Variants in ENOPH1 observed in about 807,000 individuals in gnomAD.
ENOPH1 encodes the protein enolase-phosphatase E1.
In ENOPH1, 14 loss-of-function variants were observed where a neutral mutation model predicts 31.1. That is an observed-to-expected ratio of 0.45 (90% confidence interval 0.30 to 0.70). The LOEUF (loss-of-function observed/expected upper bound fraction) is 0.70. Ranked by LOEUF, ENOPH1 falls within the 30% of genes least tolerant of loss-of-function variation. The pLI is 0.09. For synonymous variants in ENOPH1, 127 were observed against 123.2 expected (o/e 1.03, Z -0.21); for missense variants, 243 against 321.5 (o/e 0.76, Z 1.87).
At position 82,438,112 on chromosome 4, in the gene ENOPH1, C is replaced by A. The variant is rs1469938026; in HGVS notation, c.84+7199C>A. ...AAGTGAAATATGTTATTTATAGAAA[C>A]TTGCATCTGTTAATGTAAGACTAGA... On this transcript the variant is annotated intron_variant, in intron 1 of 5. Coordinates refer to ENST00000273920, the MANE Select transcript of ENOPH1 (RefSeq NM_021204.5). Among the ~76,000 whole-genome samples the A allele has an allele frequency of 3.9e-5, 6 of 152,098 alleles. No individual in the cohort carries two copies. In the East Asian group the frequency reaches 1.2e-3, roughly 29 times the overall value.
At chr4:82,454,176 T>G (rs1183509311) in intron 3 of ENOPH1, among the ~76,000 whole-genome samples, 1 of 152,144 alleles carries the variant, frequency 6.6e-6, no homozygotes, top group Non-Finnish European at 1.5e-5. Context: ...ATCATGCCAC[T>G]GCACTCCAGC....
chr4:82,439,939 G>A (rs996950557), intron 1 of ENOPH1, among the ~76,000 whole-genome samples: 4 of 152,100 alleles, frequency 2.6e-5, no homozygotes, highest in Admixed American at 2.6e-4. Context: ...GGGAGGAGGA[G>A]GATTAAGGGA....
chr4:82,431,020 G>A (rs1371371423), intron 1 of ENOPH1, 107 bp downstream of exon 1: 1 of 934,458 alleles, frequency 1.1e-6, no homozygotes, highest in Non-Finnish European at 1.6e-6. Flanking sequence ...GAGAGGCGGT[G>A]TGGCTGCCTC....
rs3796471 is a variant in ENOPH1, at chr4:82,459,148, C to G, written c.647-833C>G. 4.5e-3 allele frequency among the ~76,000 whole-genome samples: 691 copies of G among 152,302 alleles called. 22 individuals are homozygous for G. The East Asian group carries it at 0.091, about 20-fold the overall frequency. On this transcript the variant is annotated intron_variant, in intron 5 of 5. Transcript: ENST00000273920. The stretch of plus-strand genomic sequence containing the variant: ...CTATCTGTCCTAGTAAGCGCCATCT[C>G]TCTTATCACAGGCCTGTATCCCATT...
At chr4:82,441,389 A>G (rs913364479) in intron 1 of ENOPH1, among the ~76,000 whole-genome samples, 2 of 152,114 alleles carry the variant, frequency 1.3e-5, no homozygotes, top group Admixed American at 6.5e-5. Context: ...TTGGGAGGCC[A>G]AGGTGGGCAG....
At chr4:82,454,673 T>C (rs942040592) in intron 3 of ENOPH1, 49 bp from the exon 4 acceptor site, 11 of 1,576,978 alleles carry the variant, frequency 7.0e-6, no homozygotes, top group Non-Finnish European at 9.4e-6. Context: ...GGTTTTTATC[T>C]GGCTAGATGA....
In ENOPH1 at chr4:82,451,070, G is replaced by A. The variant is rs1307769839; in HGVS notation, c.214G>A (p.Ala72Thr). 2 of 1,614,026 alleles carry A rather than the reference G, an allele frequency of 1.2e-6. No individual in the cohort carries two copies. The highest frequency in any genetic ancestry group is 1.7e-6 in the Non-Finnish European group (2 of 1,180,012). Residue 72 changes from alanine (A) to threonine (T), a missense_variant, in exon 3 of 6, where the codon GCT (alanine) becomes ACT (threonine). Ala to Thr is a moderately conservative substitution (Grantham distance 58). Coordinates refer to ENST00000273920, the MANE Select transcript of ENOPH1 (RefSeq NM_021204.5). The part of the protein sequence containing the change: ...QAEEDAHLDG[A>T]VPIPAASGNG... Reference sequence around the variant, plus strand: ...TGAAGAGGACGCCCACCTGGATGGGGCTGTTCCTATCCCTGCAGCATCTGG... The same window carrying A: ...TGAAGAGGACGCCCACCTGGATGGGACTGTTCCTATCCCTGCAGCATCTGG...
intron 1 of ENOPH1, among the ~76,000 whole-genome samples, chr4:82,443,733 A>G (rs1343788505): frequency 1.3e-5 from 2 of 152,058 alleles, no homozygotes; most frequent in African/African-American, 4.8e-5. Context: ...TCTCAAAAAA[A>G]AAAGGGAAAT....
intron 1 of ENOPH1, among the ~76,000 whole-genome samples, chr4:82,445,105 G>A (rs1379452805): frequency 6.6e-6 from 1 of 152,108 alleles, no homozygotes; most frequent in East Asian, 1.9e-4. Flanking sequence ...GTGCACACCT[G>A]TAATCCCATC....
intron 1 of ENOPH1, among the ~76,000 whole-genome samples, chr4:82,435,414 A>C (rs968140861): frequency 2.7e-4 from 41 of 152,102 alleles, no homozygotes; most frequent in African/African-American, 9.7e-4. Context: ...AATTTTTAAA[A>C]TTTTTTGCAG....
chr4:82,434,381 C>T (rs1035652375), intron 1 of ENOPH1, among the ~76,000 whole-genome samples: 3 of 151,868 alleles, frequency 2.0e-5, no homozygotes, highest in South Asian at 2.1e-4. Flanking sequence ...GTCAGGAGTT[C>T]GAGGCCAGCC....
In ENOPH1 at chr4:82,453,010, T is replaced by C. The variant is rs373462187; in HGVS notation, c.390-1712T>C. Among the ~76,000 whole-genome samples, 250 of 151,510 alleles carry C rather than the reference T, an allele frequency of 1.7e-3. 1 individual carries two copies. The highest frequency in any genetic ancestry group is 5.9e-3 in the African/African-American group (244 of 41,282). On this transcript the variant is annotated intron_variant, in intron 3 of 5. Transcript: ENST00000273920. ...TCCGCCTCCTGGGTTCACGCCATTCTCCTGCCTCAGCCTCCCGAGTAGCTG... is the reference window on the plus strand; with the variant it reads ...TCCGCCTCCTGGGTTCACGCCATTCCCCTGCCTCAGCCTCCCGAGTAGCTG...
At chr4:82,436,393 A>T (rs966112216) in intron 1 of ENOPH1, among the ~76,000 whole-genome samples, 2 of 152,130 alleles carry the variant, frequency 1.3e-5, no homozygotes, top group Non-Finnish European at 2.9e-5. Flanking sequence ...CAAGAGGTGG[A>T]TGGAGGCTAG....
intron 1 of ENOPH1, among the ~76,000 whole-genome samples, chr4:82,435,277 T>C (rs190756530): frequency 6.6e-6 from 1 of 152,296 alleles, no homozygotes; most frequent in African/African-American, 2.4e-5. Flanking sequence ...AGCTTATTTT[T>C]ATTTTTTATA....
In ENOPH1 at chr4:82,460,218, T is replaced by C. The variant is rs983741867; in HGVS notation, c.*98T>C. The C allele has an allele frequency of 1.6e-6, 2 of 1,224,508 alleles. No homozygotes were observed. The highest frequency in any genetic ancestry group is 2.3e-5 in the East Asian group (1 of 42,816). 75.9% of individuals were successfully genotyped at this position (1,224,508 alleles called of 1,614,324 possible). A position where few individuals can be genotyped will look rare whatever the true frequency, so the allele number is the denominator to read the frequency against. On this transcript the variant is annotated 3_prime_UTR_variant, in exon 6 of 6. Coordinates refer to ENST00000273920, the MANE Select transcript of ENOPH1 (RefSeq NM_021204.5). ...AAAAGTAACTTACTTAAAAAACATA[T>C]GTACACATATGTATGCAAGTATGTA...
chr4:82,439,000 A>G (rs1043233384), intron 1 of ENOPH1, among the ~76,000 whole-genome samples: 4 of 152,212 alleles, frequency 2.6e-5, no homozygotes, highest in African/African-American at 9.7e-5. Context: ...AGTGGAAACC[A>G]ACCTGCCCTA....
intron 2 of ENOPH1, 67 bp from the exon 3 acceptor site, chr4:82,450,976 G>A: frequency 5.0e-6 from 7 of 1,393,778 alleles, no homozygotes; most frequent in Non-Finnish European, 7.0e-6. Context: ...GGGTTTTTGG[G>A]TCTCGTTTTA....
At chr4:82,431,067 G>A (rs1181201670) in intron 1 of ENOPH1, among the ~76,000 whole-genome samples, 154 bp downstream of exon 1, 4 of 152,224 alleles carry the variant, frequency 2.6e-5, no homozygotes, top group African/African-American at 7.2e-5. Flanking sequence ...AAAGCCTGCG[G>A]TGGGTTGCGG....
chr4:82,448,131 G>C (rs1722242957), intron 2 of ENOPH1, 110 bp downstream of exon 2: 1 of 667,538 alleles, frequency 1.5e-6, no homozygotes, highest in East Asian at 2.9e-5. Context: ...TTTGATAGGG[G>C]ATAGAAGTTG....
Sources: gnomAD v4.1 joint callset for allele counts (sites outside exome capture counted in the v4.1 genomes callset) on GRCh38, gnomAD v4.1.1 for gene constraint, MANE v1.5 for transcripts, NCBI Gene and HGNC (gene_info 2026-07-23, HGNC 2026-07-21) for gene names.